The following KIRREL3 variants were observed in gnomAD, a reference collection of about 807,000 sequenced individuals.
KIRREL3 encodes kin of IRRE-like protein 3.
In KIRREL3, 36 loss-of-function variants were observed where a neutral mutation model predicts 89.7. That is an observed-to-expected ratio of 0.40 (90% CI 0.31 to 0.53). The LOEUF (loss-of-function observed/expected upper bound fraction) is 0.53. Among genes scored for constraint, KIRREL3 ranks in the 20% least tolerant of loss-of-function variants. The pLI is 0.49. For synonymous variants in KIRREL3, 445 were observed against 441.4 expected (o/e 1.01, Z -0.10); for missense variants, 864 against 1,056.6 (o/e 0.82, Z 2.53).
intron 7 of KIRREL3, 61 bp downstream of exon 7, chr11:126,456,288 G>T (rs964951007): frequency 5.2e-6 from 6 of 1,160,060 alleles, no homozygotes; most frequent in Non-Finnish European, 7.6e-6. Context: ...GACATCCCAC[G>T]TGAGAGGCAC....
chr11:126,572,118 G>T (rs1165979641), intron 1 of KIRREL3, among the ~76,000 whole-genome samples: 1 of 152,164 alleles, frequency 6.6e-6, no homozygotes, highest in East Asian at 1.9e-4. Context: ...CATCATGGCT[G>T]GGAGGCCAGG....
chr11:126,880,637 G>GTTTT (rs34608539), intron 1 of KIRREL3, among the ~76,000 whole-genome samples: 1 of 142,876 alleles, frequency 7.0e-6, no homozygotes, highest in Non-Finnish European at 1.5e-5. Context: ...AAAAGTTGTG[G>GTTTT]TTTTTTTTTT....
intron 1 of KIRREL3, among the ~76,000 whole-genome samples, chr11:126,847,913 G>A (rs1002845788): frequency 6.6e-6 from 1 of 152,150 alleles, no homozygotes; most frequent in African/African-American, 2.4e-5. Flanking sequence ...TTTGTAACAG[G>A]ACACAATTGG....
At chr11:126,849,968 T>C (rs1305799035) in intron 1 of KIRREL3, among the ~76,000 whole-genome samples, 1 of 152,212 alleles carries the variant, frequency 6.6e-6, no homozygotes, top group Admixed American at 6.5e-5. Context: ...CGCTTTTTAG[T>C]GTCCATGACC....
intron 2 of KIRREL3, among the ~76,000 whole-genome samples, chr11:126,534,208 G>C (rs892984784): frequency 7.2e-5 from 11 of 151,778 alleles, no homozygotes; most frequent in Admixed American, 7.2e-4. Flanking sequence ...CATGCCCTGT[G>C]GGGGAGAAGA....
In KIRREL3 at chr11:126,566,386, TCTC is replaced by T. The variant is rs1228032703; in HGVS notation, c.56-3477_56-3475del. 6.6e-6 allele frequency among the ~76,000 whole-genome samples: 1 copy of T among 152,162 alleles called. No individual in the cohort carries two copies. The highest frequency in any genetic ancestry group is 1.5e-5 in the Non-Finnish European group (1 of 68,028). The stretch of plus-strand genomic sequence containing the variant: ...CAACTGAAGTGTCAGGACTGTGCCT[TCTC>T]CTGCTCTGAGCCCGTAGGACCAAGC... On this transcript the variant is annotated intron_variant, in intron 1 of 16. Transcript: ENST00000525144. The surrounding 1 kb of genome is among the most constrained non-coding windows in gnomAD (Gnocchi z 4.9).
At position 126,743,254 on chromosome 11, in the gene KIRREL3, G is replaced by T. The variant is rs145769331; in HGVS notation, c.56-180342C>A. On this transcript the variant is annotated intron_variant, in intron 1 of 16. Coordinates refer to ENST00000525144, the MANE Select transcript of KIRREL3 (RefSeq NM_032531.4). ...AGGGGCAAGTCATTTACTGCCATGG[G>T]CCTCAGTTTCCCTATTTATAGAACG... Among the ~76,000 whole-genome samples the T allele has an allele frequency of 1.5e-3, 232 of 152,286 alleles. 2 individuals are homozygous for T. Among genetic ancestry groups the T allele is most frequent in the African/African-American group, 5.4e-3 (225 of 41,552 alleles).
Position 126,430,144 on chromosome 11 carries a change from A to G in KIRREL3, c.1697-856T>C, listed in dbSNP as rs1955076584. Among the ~76,000 whole-genome samples, 1 of 146,904 alleles carries G rather than the reference A, an allele frequency of 6.8e-6. No homozygotes were observed. On this transcript the variant is annotated intron_variant, in intron 14 of 16. Coordinates refer to ENST00000525144, the MANE Select transcript of KIRREL3 (RefSeq NM_032531.4). This position sits in a 1 kb window ranked among gnomAD's most constrained non-coding sequence, Gnocchi z 6.6. ...CAGGATGAGACTCTGTCTCAAAAAAAAAAAAGGAAATTCTTGAGGAGCTGG... is the reference window on the plus strand; with the variant it reads ...CAGGATGAGACTCTGTCTCAAAAAAGAAAAAGGAAATTCTTGAGGAGCTGG...
intron 1 of KIRREL3, among the ~76,000 whole-genome samples, chr11:126,790,278 G>A (rs1950598356): frequency 6.6e-6 from 1 of 152,192 alleles, no homozygotes; most frequent in South Asian, 2.1e-4. Context: ...CGGTCCACAT[G>A]CTCTGTTGGA....
rs146413689 is a variant in KIRREL3, at chr11:126,675,466, G to C, written c.56-112554C>G. 2.5e-3 allele frequency among the ~76,000 whole-genome samples: 381 copies of C among 152,348 alleles called. 1 individual carries two copies. The highest frequency in any genetic ancestry group is 0.014 in the East Asian group (70 of 5,174). On this transcript the variant is annotated intron_variant, in intron 1 of 16. Coordinates refer to ENST00000525144, the MANE Select transcript of KIRREL3 (RefSeq NM_032531.4). ...TACCTCTGCTTTCACGTGGAGCTGA[G>C]AGATGGAGTTAGGTAGTAGGGAGTG...
intron 1 of KIRREL3, among the ~76,000 whole-genome samples, chr11:126,674,864 C>CTG (rs61562713): frequency 0.042 from 6,356 of 152,300 alleles, 280 homozygotes; most frequent in African/African-American, 0.1. Flanking sequence ...TTACTGGTGT[C>CTG]TGCCATTTGG....
intron 1 of KIRREL3, among the ~76,000 whole-genome samples, chr11:126,593,164 A>T (rs1942231087): frequency 6.6e-6 from 1 of 151,974 alleles, no homozygotes; most frequent in African/African-American, 2.4e-5. Flanking sequence ...TCTGCAGGTC[A>T]CCCCTGTGTG....
chr11:126,509,736 T>C (rs11824750), intron 4 of KIRREL3, among the ~76,000 whole-genome samples: 55,859 of 151,964 alleles, frequency 0.37, 11,232 homozygotes, highest in African/African-American at 0.52. Flanking sequence ...TAGCTCACAC[T>C]TGTAATCCCA....
At chr11:126,951,811 G>T (rs1948780736) in intron 1 of KIRREL3, among the ~76,000 whole-genome samples, 1 of 152,152 alleles carries the variant, frequency 6.6e-6, no homozygotes, top group African/African-American at 2.4e-5. Context: ...CCAGTCGCTG[G>T]GTCCAACTAG....
At chr11:126,577,085 G>C (rs1342452633) in intron 1 of KIRREL3, among the ~76,000 whole-genome samples, 2 of 152,174 alleles carry the variant, frequency 1.3e-5, no homozygotes, top group Non-Finnish European at 2.9e-5. Context: ...GGAAGGAAGA[G>C]AGAAATAGAA....
At chr11:126,483,145 G>A (rs1957266866) in intron 4 of KIRREL3, among the ~76,000 whole-genome samples, 1 of 152,204 alleles carries the variant, frequency 6.6e-6, no homozygotes, top group Non-Finnish European at 1.5e-5. Flanking sequence ...GAAAGAAACG[G>A]TGTACAGGAA....
chr11:126,710,326 T>C lies in KIRREL3; in HGVS notation c.56-147414A>G, dbSNP rs905150760. Among the ~76,000 whole-genome samples the C allele has an allele frequency of 8.5e-5, 13 of 152,120 alleles. No individual in the cohort carries two copies. Among genetic ancestry groups the C allele is most frequent in the Non-Finnish European group, 1.3e-4 (9 of 68,026 alleles). On this transcript the variant is annotated intron_variant, in intron 1 of 16. Transcript: ENST00000525144. This position sits in a 1 kb window ranked among gnomAD's most constrained non-coding sequence, Gnocchi z 4.2. ...CACAAAGCTGAGGAGAGAAGGGAGA[T>C]AGCTAGCTCAGTGTGGCACCCCATT...
At chr11:126,726,869 G>T (rs544036358) in intron 1 of KIRREL3, among the ~76,000 whole-genome samples, 1 of 152,098 alleles carries the variant, frequency 6.6e-6, no homozygotes, top group African/African-American at 2.4e-5. Flanking sequence ...CTTTCTTCCT[G>T]CAAAACTCCT....
At chr11:126,473,165 T>A in intron 5 of KIRREL3, 144 bp downstream of exon 5, 4 of 53,886 alleles carry the variant, frequency 7.4e-5, no homozygotes, top group Admixed American at 2.2e-4. Context: ...CCACCCCTCC[T>A]AGTCCCCTCC....
Sources: gnomAD v4.1 joint callset for allele counts (sites outside exome capture counted in the v4.1 genomes callset) on GRCh38, gnomAD v4.1.1 for gene constraint, Gnocchi (gnomAD v3.1) non-coding constraint, MANE v1.5 for transcripts, NCBI Gene and HGNC (gene_info 2026-07-23, HGNC 2026-07-21) for gene names.